Variants in WWP2 observed in about 807,000 individuals in gnomAD.
WWP2 encodes WW domain containing E3 ubiquitin protein ligase 2, also known as NEDD4-like E3 ubiquitin-protein ligase WWP2.
In WWP2, 57 loss-of-function variants were observed where a neutral mutation model predicts 121.0. That is an observed-to-expected ratio of 0.47 (90% CI 0.38 to 0.59). The LOEUF (loss-of-function observed/expected upper bound fraction) is 0.59. Ranked by LOEUF, WWP2 falls within the 20% of genes least tolerant of loss-of-function variation. The pLI is 0.00. For synonymous variants in WWP2, 449 were observed against 441.3 expected, an observed-to-expected ratio of 1.02 and a Z score of -0.22; for missense variants, 962 against 1,158.9, an observed-to-expected ratio of 0.83 and a Z score of 2.47.
rs2056102238 is a variant in WWP2, at chr16:69,798,817, A to T, written c.206A>T (p.Glu69Val). Residue 69 changes from glutamate to valine, a missense_variant, in exon 3 of 24, where the codon GAG becomes GTG. By Grantham distance (121) the Glu-to-Val change is moderately radical. This residue lies in a region of WWP2 where 145 missense variants were observed against 189.8 expected (regional missense o/e 0.76). Coordinates refer to ENST00000359154, the MANE Select transcript of WWP2 (RefSeq NM_001270454.2). ...GGGAGCTCTGAGCTTCTCTGGAATG[A>T]GATCATCATTTTGTAAGAGAAAGCC... ...RIGSSELLWN[E>V]IIILNVTAQS... 1 of 1,613,834 alleles carries T rather than the reference A, an allele frequency of 6.2e-7. No individual in the cohort carries two copies. The highest frequency in any genetic ancestry group is 8.5e-7 in the Non-Finnish European group (1 of 1,179,956).
rs751563099 is a variant in WWP2 at position 69,842,039 on chromosome 16, C to T, written c.494C>T (p.Ser165Leu). 1.1e-5 allele frequency: 17 copies of T among 1,612,890 alleles called. No individual in the cohort carries two copies. The Middle Eastern group carries it at 1.2e-3, about 109-fold the overall frequency. Residue 165 changes from serine to leucine, a missense_variant, in exon 6 of 24, where the codon TCG (serine) becomes TTG (leucine). By Grantham distance (145) the Ser-to-Leu change is moderately radical. This residue lies in a region of WWP2 where 211 missense variants were observed against 196.5 expected (regional missense o/e 1.07). Transcript: ENST00000359154. ...SALTDGSQLP[S>L]RDSSGTAVAP... ...TCCTTTCTAGGATCACAGCTGCCTT[C>T]GAGAGACTCCAGTGGAACAGCAGTA...
intron 1 of WWP2, among the ~76,000 whole-genome samples, chr16:69,775,855 A>G (rs1350370211): frequency 1.3e-5 from 2 of 152,116 alleles, no homozygotes; most frequent in Non-Finnish European, 2.9e-5. Context: ...GTCCATTAGT[A>G]TTGTTAGTAT....
At chr16:69,921,407 C>G (rs2058559917) in intron 10 of WWP2, among the ~76,000 whole-genome samples, 1 of 152,242 alleles carries the variant, frequency 6.6e-6, no homozygotes, top group African/African-American at 2.4e-5. Context: ...AGACCTTGTT[C>G]TTCTTTGCTG....
At chr16:69,764,741 T>TGA (rs1191729945) in intron 1 of WWP2, among the ~76,000 whole-genome samples, 1 of 152,240 alleles carries the variant, frequency 6.6e-6, no homozygotes, top group Admixed American at 6.5e-5. Flanking sequence ...ATGGGGCTGC[T>TGA]GAGCACTGGA....
At chr16:69,897,014 C>A (rs148005250) in intron 8 of WWP2, among the ~76,000 whole-genome samples, 1 of 152,068 alleles carries the variant, frequency 6.6e-6, no homozygotes, top group Non-Finnish European at 1.5e-5. Flanking sequence ...CATGCAGATA[C>A]AAATGGAGAA....
Position 69,806,956 on chromosome 16 carries a change from TCA to T in WWP2, c.340+7662_340+7663del, listed in dbSNP as rs1491013105. On this transcript the variant is annotated intron_variant, in intron 4 of 23. Coordinates refer to ENST00000359154, the MANE Select transcript of WWP2 (RefSeq NM_001270454.2). ...CTGTTTTATTTATTTATTTATTTAT[TCA>T]TTCATTCATTCATTCATTCATTCAT... Among the ~76,000 whole-genome samples, 198 of 130,202 alleles carry T rather than the reference TCA, an allele frequency of 1.5e-3. 1 individual carries two copies. Among genetic ancestry groups the T allele is most frequent in the African/African-American group, 5.0e-3 (183 of 36,576 alleles). 85.4% of individuals were successfully genotyped at this position (130,202 alleles called of 152,430 possible).
chr16:69,881,858 T>A (rs2362641), intron 7 of WWP2, among the ~76,000 whole-genome samples: 97,234 of 152,052 alleles, frequency 0.64, 31,886 homozygotes, highest in East Asian at 0.94. Flanking sequence ...CACCCAGCTA[T>A]TTTTTTCTAT....
intron 4 of WWP2, chr16:69,828,100 AGCTGGATGGGCCTT>A (rs2056735162): frequency 2.8e-6 from 1 of 362,642 alleles, no homozygotes; most frequent in Non-Finnish European, 5.3e-6. Context: ...AAATGTGTGT[AGCTGGATGGGCCTT>A]GCCTATAGAG....
At chr16:69,877,343 C>T (rs1040513856) in intron 7 of WWP2, among the ~76,000 whole-genome samples, 1 of 152,222 alleles carries the variant, frequency 6.6e-6, no homozygotes, top group Non-Finnish European at 1.5e-5. Context: ...CTGCAACTTC[C>T]TCACCACTCT....
At chr16:69,920,340 C>T (rs1008499241) in intron 10 of WWP2, among the ~76,000 whole-genome samples, 1 of 152,172 alleles carries the variant, frequency 6.6e-6, no homozygotes, top group Non-Finnish European at 1.5e-5. Context: ...CTTTCTTGGG[C>T]TAGGCTTCCC....
intron 4 of WWP2, among the ~76,000 whole-genome samples, chr16:69,805,299 G>A (rs1222658107): frequency 6.6e-6 from 1 of 152,032 alleles, no homozygotes; most frequent in East Asian, 1.9e-4. Context: ...GCCTCCCAAA[G>A]TGCTGGGATT....
At position 69,937,656 on chromosome 16, in the gene WWP2, G is replaced by A; in HGVS notation, c.2343+4G>A. On this transcript the variant is annotated splice_donor_region_variant and intron_variant, in intron 21 of 23. Transcript: ENST00000359154. This position sits in a 1 kb window ranked among gnomAD's most constrained non-coding sequence, Gnocchi z 6.6. ...GCAGATCCAGTGGTTCTGGCAGGTG[G>A]GTCCCGGGCCCAGGCCTTGGCAGGG... 6.2e-7 allele frequency: 1 copy of A among 1,613,830 alleles called. No individual in the cohort carries two copies. Among genetic ancestry groups the A allele is most frequent in the Non-Finnish European group, 8.5e-7 (1 of 1,179,944 alleles).
intron 11 of WWP2, among the ~76,000 whole-genome samples, chr16:69,929,187 C>G (rs2058677723): frequency 6.6e-6 from 1 of 152,118 alleles, no homozygotes; most frequent in Non-Finnish European, 1.5e-5. Flanking sequence ...CCCCCTCCCT[C>G]CGACCAATCA....
intron 1 of WWP2, among the ~76,000 whole-genome samples, chr16:69,765,072 C>A (rs957489900): frequency 6.6e-6 from 1 of 152,004 alleles, no homozygotes; most frequent in Non-Finnish European, 1.5e-5. Context: ...GGTGCAGTGG[C>A]GCCCGCCTGG....
intron 6 of WWP2, among the ~76,000 whole-genome samples, chr16:69,863,405 C>T (rs1052463103): frequency 4.6e-5 from 7 of 152,070 alleles, no homozygotes; most frequent in East Asian, 3.9e-4. Context: ...TTTGAGAGGC[C>T]GAGGCGGGTG....
chr16:69,802,205 G>A lies in WWP2; in HGVS notation c.340+2910G>A, dbSNP rs918006113. Among the ~76,000 whole-genome samples, 41 of 152,226 alleles carry A rather than the reference G, an allele frequency of 2.7e-4. 1 individual carries two copies. Among genetic ancestry groups the A allele is most frequent in the African/African-American group, 9.9e-4 (41 of 41,548 alleles). ...GGCCTCCCAAAGTGCTGGATTACAGGCATGAGCCACCGTGCCTGGCCTATA... is the reference window on the plus strand; with the variant it reads ...GGCCTCCCAAAGTGCTGGATTACAGACATGAGCCACCGTGCCTGGCCTATA... On this transcript the variant is annotated intron_variant, in intron 4 of 23. Transcript: ENST00000359154.
chr16:69,866,312 TTATTTATG>T (rs1442921332), intron 6 of WWP2, among the ~76,000 whole-genome samples: 2 of 86,426 alleles, frequency 2.3e-5, no homozygotes, highest in Non-Finnish European at 4.5e-5. Context: ...ATTTATTTAT[TTATTTATG>T]GAGACGGAGT....
intron 1 of WWP2, among the ~76,000 whole-genome samples, chr16:69,768,039 T>G (rs1011734000): frequency 9.9e-5 from 15 of 152,118 alleles, no homozygotes; most frequent in African/African-American, 3.4e-4. Flanking sequence ...GGTCCCACTA[T>G]GTTACTCAGA....
At chr16:69,926,947 C>A (rs1221442896) in intron 11 of WWP2, among the ~76,000 whole-genome samples, 2 of 152,062 alleles carry the variant, frequency 1.3e-5, no homozygotes, top group African/African-American at 4.8e-5. Context: ...GTGATGTAGC[C>A]CAGTCAAGTG....
Sources: gnomAD v4.1 joint callset for allele counts (sites outside exome capture counted in the v4.1 genomes callset) on GRCh38, gnomAD v4.1.1 for gene constraint, gnomAD v4.1.1 regional missense constraint, Gnocchi (gnomAD v3.1) non-coding constraint, MANE v1.5 for transcripts, NCBI Gene and HGNC (gene_info 2026-07-23, HGNC 2026-07-21) for gene names.